STARD9: variants seen among roughly 807,000 people sequenced by gnomAD.
The protein encoded by STARD9 is StAR related lipid transfer domain containing 9.
A neutral mutation model predicts 399.8 loss-of-function variants in STARD9; 346 were observed. The observed-to-expected ratio is 0.87, with a 90% CI of 0.79 to 0.95. The LOEUF is 0.95. Ranked by LOEUF, STARD9 falls within the 40% of genes least tolerant of loss-of-function variation. The pLI is 0.00. For missense variants in STARD9, 5,832 were observed against 5,667.5 expected (o/e 1.03, Z -0.93); for synonymous variants, 2,203 against 2,143.5 (o/e 1.03, Z -0.77).
At position 42,691,843 on chromosome 15, in the gene STARD9, C is replaced by G; in HGVS notation, c.10265C>G (p.Thr3422Arg). 3 of 1,537,270 alleles carry G rather than the reference C, an allele frequency of 2.0e-6. No individual in the cohort carries two copies. The highest frequency in any genetic ancestry group is 2.6e-6 in the Non-Finnish European group (3 of 1,146,912). ...TCACACATGCCAACCCCTGATTTCACGACCAGCTGGATGTCTGGTACTTTG... is the reference window on the plus strand; with the variant it reads ...TCACACATGCCAACCCCTGATTTCAGGACCAGCTGGATGTCTGGTACTTTG... ...TLSHMPTPDFTTSWMSGTLEQ... is the reference protein window; with the variant it reads ...TLSHMPTPDFRTSWMSGTLEQ... Residue 3422 changes from threonine (T) to arginine (R), a missense_variant, in exon 23 of 33, where the codon ACG becomes AGG. By Grantham distance (71) the Thr-to-Arg change is moderately conservative (BLOSUM62 -1). Transcript: ENST00000290607.
In STARD9 at chr15:42,688,074, G is replaced by A; in HGVS notation, c.6496G>A (p.Glu2166Lys). The part of the protein sequence containing the change: ...EGVRESEPVR[E>K]HTHPAGSDRP... Reference sequence around the variant, plus strand: ...TGTACGAGAGAGTGAACCTGTGAGAGAGCACACCCACCCAGCTGGATCGGA... The same window carrying A: ...TGTACGAGAGAGTGAACCTGTGAGAAAGCACACCCACCCAGCTGGATCGGA... Residue 2166 changes from glutamate to lysine, a missense_variant, in exon 23 of 33, where the codon GAG becomes AAG. This residue lies in a region of STARD9 where 5,828 missense variants were observed against 5,651.1 expected (regional missense o/e 1.03). Transcript: ENST00000290607. 6.5e-7 allele frequency: 1 copy of A among 1,537,406 alleles called. No individual in the cohort carries two copies.
intron 3 of STARD9, chr15:42,630,231 C>G (rs1350620196): frequency 2.6e-5 from 4 of 152,202 alleles, no homozygotes; most frequent in African/African-American, 9.6e-5. Flanking sequence ...TCTCGATCTC[C>G]TGACCTTGTG....
chr15:42,578,513 C>T (rs2058102097), intron 1 of STARD9, among the ~76,000 whole-genome samples: 1 of 152,168 alleles, frequency 6.6e-6, no homozygotes, highest in African/African-American at 2.4e-5. Flanking sequence ...AATTGCTGCC[C>T]TTTGTCTACT....
intron 3 of STARD9, among the ~76,000 whole-genome samples, chr15:42,613,798 C>G (rs551111245): frequency 4.6e-5 from 7 of 151,874 alleles, no homozygotes; most frequent in Admixed American, 3.9e-4. Flanking sequence ...AACCCCATCT[C>G]TACTAAAAAT....
chr15:42,685,823 C>T lies in STARD9; in HGVS notation c.4245C>T (p.Ala1415=). 2.0e-6 allele frequency: 3 copies of T among 1,537,190 alleles called. No individual in the cohort carries two copies. The highest frequency in any genetic ancestry group is 2.6e-6 in the Non-Finnish European group (3 of 1,146,940). ...LLCSARDEHT[A]SAADTSRLSL... ...GCAGTGCAAGAGATGAGCACACAGC[C>T]TCTGCTGCTGATACGTCTAGGCTGT... Residue 1415 remains alanine (A), a synonymous_variant, in exon 23 of 33, where the codon GCC becomes GCT. Transcript: ENST00000290607.
intron 26 of STARD9, among the ~76,000 whole-genome samples, chr15:42,700,354 A>T (rs546976727): frequency 3.3e-5 from 5 of 152,352 alleles, no homozygotes; most frequent in East Asian, 3.9e-4. Context: ...AGAAACCTTC[A>T]TACTGTTTGC....
intron 16 of STARD9, 75 bp from the exon 17 acceptor site, chr15:42,674,365 C>G: frequency 8.6e-7 from 1 of 1,166,518 alleles, no homozygotes; most frequent in Non-Finnish European, 1.2e-6. Flanking sequence ...TGAGAATATT[C>G]TAATGTGGAC....
rs139196909 is a variant in STARD9 at position 42,630,405 on chromosome 15, T to C, written c.235-4451T>C. On this transcript the variant is annotated intron_variant, in intron 3 of 32. Transcript: ENST00000290607. ...GGATATTAGCCTGTAATTTTCTTTT[T>C]TTGATGTATCTTTATGTGGTTTTGG... Among the ~76,000 whole-genome samples, 406 of 152,332 alleles carry C rather than the reference T, an allele frequency of 2.7e-3. 1 individual carries two copies. The highest frequency in any genetic ancestry group is 0.016 in the South Asian group (77 of 4,830).
chr15:42,673,642 A>G (rs1298264420), intron 16 of STARD9, among the ~76,000 whole-genome samples: 1 of 152,236 alleles, frequency 6.6e-6, no homozygotes, highest in Non-Finnish European at 1.5e-5. Context: ...TGATTTGTAT[A>G]AAGTACTCAG....
intron 26 of STARD9, among the ~76,000 whole-genome samples, chr15:42,709,700 A>C (rs1025398362): frequency 2.0e-5 from 3 of 152,176 alleles, no homozygotes; most frequent in East Asian, 1.9e-4. Flanking sequence ...GCAGCCCCCC[A>C]AAAAAATATT....
At chr15:42,697,202 T>G (rs1469306756) in intron 26 of STARD9, among the ~76,000 whole-genome samples, 1 of 152,204 alleles carries the variant, frequency 6.6e-6, no homozygotes, top group African/African-American at 2.4e-5. Flanking sequence ...TTTCTCACTT[T>G]GCTTTTTCTT....
intron 8 of STARD9, among the ~76,000 whole-genome samples, chr15:42,651,716 A>T (rs913880275): frequency 6.6e-6 from 1 of 152,204 alleles, no homozygotes; most frequent in Non-Finnish European, 1.5e-5. Flanking sequence ...TTGAACATAA[A>T]GGAAGAAATT....
chr15:42,688,878 G>T lies in STARD9; in HGVS notation c.7300G>T (p.Asp2434Tyr). ...AGAGAGCATTCCTCTGGGGACAGAGGACAGGATCTCAGCAAGCACCAGCCC... is the reference window on the plus strand; with the variant it reads ...AGAGAGCATTCCTCTGGGGACAGAGTACAGGATCTCAGCAAGCACCAGCCC... ...VPESIPLGTE[D>Y]RISASTSPQD... Residue 2434 changes from aspartate (D) to tyrosine (Y), a missense_variant, in exon 23 of 33, where the codon GAC (aspartate) becomes TAC (tyrosine). Asp to Tyr is a radical substitution (Grantham distance 160). Coordinates refer to ENST00000290607, the MANE Select transcript of STARD9 (RefSeq NM_020759.3). The T allele has an allele frequency of 6.5e-7, 1 of 1,537,306 alleles. No homozygotes were observed. The highest frequency in any genetic ancestry group is 1.4e-5 in the African/African-American group (1 of 73,150).
In STARD9 at chr15:42,719,809, CAG is replaced by C; in HGVS notation, c.*238_*239del. 2.0e-6 allele frequency: 1 copy of C among 503,906 alleles called. No individual in the cohort carries two copies. Among genetic ancestry groups the C allele is most frequent in the Admixed American group, 3.6e-5 (1 of 27,952 alleles). The allele number at this position is 503,906 out of a possible 1,614,324, so 31.2% of individuals were successfully genotyped here. A position where few individuals can be genotyped will look rare whatever the true frequency, so the allele number is the denominator to read the frequency against. ...GCCTGAGCTCCTGGCCCAGACTATC[CAG>C]AGTGAATGCAGCTCCGCTCACCTTT... On this transcript the variant is annotated 3_prime_UTR_variant, in exon 33 of 33. Transcript: ENST00000290607.
rs1304887985 is a variant in STARD9 at position 42,663,390 on chromosome 15, A to T, written c.978A>T (p.Ala326=). 2 of 1,537,002 alleles carry T rather than the reference A, an allele frequency of 1.3e-6. No homozygotes were observed. ...CTTCTGGGACCAGCAGTGGAGGGGC[A>T]CCCTCCCGAAGGCAGTCTTATATCC... ...SSPSGTSSGG[A]PSRRQSYIPY... Residue 326 remains alanine (A), a synonymous_variant, in exon 12 of 33, where the codon GCA becomes GCT. Transcript: ENST00000290607.
rs564674009 is a variant in STARD9, at chr15:42,669,616, T to A, written c.1497+279T>A. Reference sequence around the variant, plus strand: ...TACTTTTGTTCTCTTTGCCTTAATTTCCTCATTTTAAAGTAAGAATGATGC... The same window carrying A: ...TACTTTTGTTCTCTTTGCCTTAATTACCTCATTTTAAAGTAAGAATGATGC... On this transcript the variant is annotated intron_variant, in intron 16 of 32. Coordinates refer to ENST00000290607, the MANE Select transcript of STARD9 (RefSeq NM_020759.3). The A allele has an allele frequency of 1.1e-4, 34 of 298,506 alleles. No homozygotes were observed. In the South Asian group the frequency reaches 2.5e-3, roughly 22 times the overall value. The allele number at this position is 298,506 out of a possible 1,614,324, so 18.5% of individuals were successfully genotyped here. A position where few individuals can be genotyped will look rare whatever the true frequency, so the allele number is the denominator to read the frequency against.
intron 3 of STARD9, among the ~76,000 whole-genome samples, chr15:42,621,889 A>G (rs1475067467): frequency 6.6e-6 from 1 of 152,224 alleles, no homozygotes; most frequent in Non-Finnish European, 1.5e-5. Flanking sequence ...CACTGTTTTC[A>G]GGTCCTCTTG....
chr15:42,681,892 G>A (rs1331163106), intron 21 of STARD9, among the ~76,000 whole-genome samples: 2 of 151,966 alleles, frequency 1.3e-5, no homozygotes, highest in Non-Finnish European at 2.9e-5. Context: ...GCCCTAGCAC[G>A]TGCCCACTGC....
chr15:42,674,037 C>G (rs1254028838), intron 16 of STARD9: 1 of 456,186 alleles, frequency 2.2e-6, no homozygotes, highest in Non-Finnish European at 4.4e-6. Context: ...AAACTTGGAC[C>G]ACATCAACCT....
Sources: gnomAD v4.1 joint callset for allele counts (sites outside exome capture counted in the v4.1 genomes callset) on GRCh38, gnomAD v4.1.1 for gene constraint, gnomAD v4.1.1 regional missense constraint, MANE v1.5 for transcripts, NCBI Gene and HGNC (gene_info 2026-07-23, HGNC 2026-07-21) for gene names.